Variants in GRIP1 observed in about 807,000 individuals in gnomAD.
The protein encoded by GRIP1 is glutamate receptor-interacting protein 1.
In GRIP1, 45 loss-of-function variants were observed where a neutral mutation model predicts 129.9. The ratio of observed to expected loss-of-function variants is 0.35; its 90% CI spans 0.27 to 0.44. The LOEUF is 0.44. Among genes scored for constraint, GRIP1 ranks in the 20% least tolerant of loss-of-function variants. The pLI is 1.00. For missense variants in GRIP1, 1,196 were observed against 1,396.8 expected, an observed-to-expected ratio of 0.86 and a Z score of 2.29; for synonymous variants, 530 against 520.8, an observed-to-expected ratio of 1.02 and a Z score of -0.24.
At chr12:66,795,154 A>C (rs1466966777) in intron 1 of GRIP1, among the ~76,000 whole-genome samples, 1 of 152,236 alleles carries the variant, frequency 6.6e-6, no homozygotes, top group Non-Finnish European at 1.5e-5. Context: ...TACAGTTTAC[A>C]AAAACAAGTA....
At chr12:66,693,824 T>C (rs182567816) in intron 1 of GRIP1, among the ~76,000 whole-genome samples, 10 of 152,188 alleles carry the variant, frequency 6.6e-5, no homozygotes, top group Non-Finnish European at 1.3e-4. Context: ...ATAGAAATTA[T>C]ACAGATACAT....
chr12:66,681,800 T>C (rs2034594063), upstream of GRIP1, among the ~76,000 whole-genome samples: 1 of 152,124 alleles, frequency 6.6e-6, no homozygotes, highest in African/African-American at 2.4e-5. Flanking sequence ...CATGAAAACA[T>C]GGGTTTGCTG....
chr12:66,949,875 C>T (rs1425359002), intron 1 of GRIP1, among the ~76,000 whole-genome samples: 1 of 144,126 alleles, frequency 6.9e-6, no homozygotes, highest in Non-Finnish European at 1.5e-5. Context: ...TCATGTCATT[C>T]TCCTGCCTCA....
intron 1 of GRIP1, among the ~76,000 whole-genome samples, chr12:66,963,079 G>A (rs549804942): frequency 6.6e-6 from 1 of 152,202 alleles, no homozygotes; most frequent in East Asian, 1.9e-4. Context: ...GGGAGGCCAA[G>A]GTGGGCGAGC....
At chr12:66,538,957 A>G in intron 4 of GRIP1, 121 bp downstream of exon 4, 1 of 793,258 alleles carries the variant, frequency 1.3e-6, no homozygotes, top group African/African-American at 1.7e-5. Context: ...ACTTTATCAT[A>G]AGTATGTATG....
chr12:66,555,594 A>G (rs1321226166), intron 2 of GRIP1, among the ~76,000 whole-genome samples: 1 of 152,186 alleles, frequency 6.6e-6, no homozygotes, highest in African/African-American at 2.4e-5. Flanking sequence ...CCAAACCCAG[A>G]GAAATAGAGC....
intron 1 of GRIP1, among the ~76,000 whole-genome samples, chr12:66,758,728 C>A (rs1380396247): frequency 6.6e-6 from 1 of 152,122 alleles, no homozygotes; most frequent in Non-Finnish European, 1.5e-5. Context: ...TTGGCCCAAA[C>A]AAAGGGGATA....
At chr12:66,846,111 G>A (rs2039810287) in intron 1 of GRIP1, among the ~76,000 whole-genome samples, 1 of 152,180 alleles carries the variant, frequency 6.6e-6, no homozygotes, top group Non-Finnish European at 1.5e-5. Flanking sequence ...CTCATCAAGA[G>A]GCTTTGAAGA....
intron 7 of GRIP1, among the ~76,000 whole-genome samples, chr12:66,484,686 C>T (rs564989549): frequency 4.6e-5 from 7 of 151,388 alleles, no homozygotes; most frequent in Admixed American, 2.6e-4. Context: ...GGAGAAGGGG[C>T]GGGGGTGTGA....
intron 1 of GRIP1, among the ~76,000 whole-genome samples, chr12:66,750,882 C>T (rs2037105008): frequency 6.6e-6 from 1 of 152,144 alleles, no homozygotes; most frequent in African/African-American, 2.4e-5. Context: ...AAATTATTTA[C>T]ATGTGATCAT....
Position 66,585,087 on chromosome 12 carries a change from TAC to T in GRIP1, c.136+11758_136+11759del, listed in dbSNP as rs1484512756. Among the ~76,000 whole-genome samples the T allele has an allele frequency of 2.0e-5, 3 of 149,726 alleles. No individual in the cohort carries two copies. The South Asian group carries it at 6.3e-4, about 31-fold the overall frequency. The stretch of plus-strand genomic sequence containing the variant: ...TTTTATCAATTATGATATTCAGATA[TAC>T]TTCTTTTTTTTCCTTCTTTTTTTTT... On this transcript the variant is annotated intron_variant, in intron 2 of 24. Coordinates refer to ENST00000359742, the MANE Select transcript of GRIP1 (RefSeq NM_001366722.1).
At chr12:66,544,359 A>T (rs1314677489) in intron 2 of GRIP1, among the ~76,000 whole-genome samples, 1 of 152,214 alleles carries the variant, frequency 6.6e-6, no homozygotes, top group Non-Finnish European at 1.5e-5. Context: ...TCAAAGATGG[A>T]AAAAGCAAAG....
intron 1 of GRIP1, among the ~76,000 whole-genome samples, chr12:67,025,357 A>C (rs2042927246): frequency 6.6e-6 from 1 of 152,222 alleles, no homozygotes; most frequent in Non-Finnish European, 1.5e-5. Flanking sequence ...ACACACACAC[A>C]CATACACACA....
intron 1 of GRIP1, among the ~76,000 whole-genome samples, chr12:66,793,944 C>A (rs910305912): frequency 5.3e-5 from 8 of 152,258 alleles, no homozygotes; most frequent in African/African-American, 1.4e-4. Context: ...ACATAAATTA[C>A]GAAGCATAGG....
chr12:66,578,504 C>A (rs1033115051), intron 2 of GRIP1, among the ~76,000 whole-genome samples: 3 of 152,142 alleles, frequency 2.0e-5, no homozygotes, highest in African/African-American at 7.2e-5. Context: ...CTTTCCTAGT[C>A]AAAGAAACGG....
At chr12:66,848,600 T>C (rs1162908575) in intron 1 of GRIP1, among the ~76,000 whole-genome samples, 11 of 152,244 alleles carry the variant, frequency 7.2e-5, no homozygotes, top group Admixed American at 6.5e-4. Flanking sequence ...AACTATGGCA[T>C]AAAACAATGA....
At chr12:66,934,366 A>T (rs1228264152) in intron 1 of GRIP1, among the ~76,000 whole-genome samples, 1 of 152,212 alleles carries the variant, frequency 6.6e-6, no homozygotes, top group Admixed American at 6.5e-5. Flanking sequence ...CTGACCCAGT[A>T]TCTCTACTCC....
At chr12:66,635,434 A>AT (rs2031270662) in intron 1 of GRIP1, among the ~76,000 whole-genome samples, 2 of 151,912 alleles carry the variant, frequency 1.3e-5, no homozygotes, top group Admixed American at 1.3e-4. Context: ...TAAAAAAAAA[A>AT]GAAAAAAAGA....
chr12:66,915,478 G>T (rs754367918), intron 1 of GRIP1, among the ~76,000 whole-genome samples: 24 of 152,148 alleles, frequency 1.6e-4, no homozygotes, highest in Non-Finnish European at 2.5e-4. Context: ...GGTGACAAAG[G>T]CGAGTGAGAC....
Sources: gnomAD v4.1 joint callset for allele counts (sites outside exome capture counted in the v4.1 genomes callset) on GRCh38, gnomAD v4.1.1 for gene constraint, MANE v1.5 for transcripts, NCBI Gene and HGNC (gene_info 2026-07-23, HGNC 2026-07-21) for gene names.